JAKMIP1: variants seen among roughly 807,000 people sequenced by gnomAD.
JAKMIP1 encodes janus kinase and microtubule-interacting protein 1.
Under a neutral mutation model 113.0 loss-of-function variants are expected in JAKMIP1, and 33 were observed. The observed-to-expected ratio is 0.29, with a 90% CI of 0.22 to 0.39. JAKMIP1 has a LOEUF of 0.39. JAKMIP1 is among the 10% of genes least tolerant of loss of function. The pLI is 1.00. For missense variants in JAKMIP1, 813 were observed against 1,080.5 expected, an observed-to-expected ratio of 0.75 and a Z score of 3.47; for synonymous variants, 480 against 459.9, an observed-to-expected ratio of 1.04 and a Z score of -0.56.
Position 6,076,394 on chromosome 4 carries a change from T to G in JAKMIP1, c.1302+2545A>C, listed in dbSNP as rs1339920911. ...GTCAATTTAATTTTTCTCTGAGTTTTTCTATATTATATATATATATGTCTT... is the reference window on the plus strand; with the variant it reads ...GTCAATTTAATTTTTCTCTGAGTTTGTCTATATTATATATATATATGTCTT... On this transcript the variant is annotated intron_variant, in intron 8 of 20. Coordinates refer to ENST00000409021, the MANE Select transcript of JAKMIP1 (RefSeq NM_001099433.2). The surrounding 1 kb of genome is among the most constrained non-coding windows in gnomAD (Gnocchi z 4.8). 9.3e-6 allele frequency among the ~76,000 whole-genome samples: 1 copy of G among 107,794 alleles called. No individual in the cohort carries two copies. The highest frequency in any genetic ancestry group is 2.3e-4 in the East Asian group (1 of 4,376). 70.7% of individuals were successfully genotyped at this position (107,794 alleles called of 152,430 possible).
At chr4:6,078,235 A>T (rs1245173156) in intron 8 of JAKMIP1, among the ~76,000 whole-genome samples, 1 of 151,950 alleles carries the variant, frequency 6.6e-6, no homozygotes, top group Non-Finnish European at 1.5e-5. Context: ...GAATCATTTA[A>T]ACCTGGGTGG....
intron 1 of JAKMIP1, among the ~76,000 whole-genome samples, chr4:6,172,556 C>A (rs566358829): frequency 1.3e-5 from 2 of 152,028 alleles, no homozygotes; most frequent in Non-Finnish European, 2.9e-5. Flanking sequence ...AGGTAGCTCA[C>A]GGCCATCTCA....
chr4:6,114,780 C>T (rs1715492207), intron 1 of JAKMIP1, among the ~76,000 whole-genome samples: 1 of 152,250 alleles, frequency 6.6e-6, no homozygotes, highest in Admixed American at 6.5e-5. Flanking sequence ...TCATTCCTCA[C>T]CTCGGCTGAC....
chr4:6,115,439 C>T (rs1268405860), intron 1 of JAKMIP1, among the ~76,000 whole-genome samples: 3 of 152,160 alleles, frequency 2.0e-5, no homozygotes, highest in African/African-American at 4.8e-5. Context: ...AAAACAAATA[C>T]AATTTATAGT....
intron 1 of JAKMIP1, among the ~76,000 whole-genome samples, chr4:6,145,769 C>T (rs1215936105): frequency 6.6e-6 from 1 of 152,138 alleles, no homozygotes; most frequent in African/African-American, 2.4e-5. Flanking sequence ...ATATAAGATC[C>T]TCCTTGGCTT....
At chr4:6,030,573 G>A (rs936571019) in intron 19 of JAKMIP1, among the ~76,000 whole-genome samples, 6 of 152,124 alleles carry the variant, frequency 3.9e-5, no homozygotes, top group Non-Finnish European at 5.9e-5. Context: ...CAGGGCTTCC[G>A]CCCCATCAAG....
intron 1 of JAKMIP1, among the ~76,000 whole-genome samples, chr4:6,146,805 A>G (rs993337582): frequency 1.3e-5 from 2 of 152,164 alleles, no homozygotes; most frequent in African/African-American, 4.8e-5. Flanking sequence ...ACAGGATTTG[A>G]ACTTGGGTCT....
At chr4:6,036,835 T>G (rs1372167537) in intron 18 of JAKMIP1, among the ~76,000 whole-genome samples, 4 of 152,230 alleles carry the variant, frequency 2.6e-5, no homozygotes, top group African/African-American at 9.7e-5. Flanking sequence ...AGCAGCTACT[T>G]CTCTCCCAAA....
rs1389729105 is a variant in JAKMIP1 at position 6,150,513 on chromosome 4, G to C, written c.-147-37516C>G. The C allele has an allele frequency of 6.6e-6, 1 of 152,278 alleles. No homozygotes were observed. Among genetic ancestry groups the C allele is most frequent in the Non-Finnish European group, 1.5e-5 (1 of 68,112 alleles). 9.4% of individuals were successfully genotyped at this position (152,278 alleles called of 1,614,324 possible). On this transcript the variant is annotated intron_variant, in intron 1 of 20. Transcript: ENST00000409021. This position sits in a 1 kb window ranked among gnomAD's most constrained non-coding sequence, Gnocchi z 4.8. ...TACACAGCCCTGTTTGCTGAACTGA[G>C]TGGTTTCCGCATCCAGGAATAGACA...
chr4:6,028,927 G>A (rs1164433837), intron 20 of JAKMIP1, among the ~76,000 whole-genome samples: 1 of 152,202 alleles, frequency 6.6e-6, no homozygotes, highest in Non-Finnish European at 1.5e-5. Context: ...CCTATCCTGT[G>A]GCAAGAACTG....
In JAKMIP1 at chr4:6,040,411, T is replaced by C. The variant is rs577583068; in HGVS notation, c.2175+228A>G. On this transcript the variant is annotated intron_variant, in intron 18 of 20. Transcript: ENST00000409021. This position sits in a 1 kb window ranked among gnomAD's most constrained non-coding sequence, Gnocchi z 5.8. ...AATGATTACTAGAATTTAAGAAGCA[T>C]GTCTAAGAAAACCATTAAAGTAACT... Among the ~76,000 whole-genome samples the C allele has an allele frequency of 6.6e-6, 1 of 152,226 alleles. No individual in the cohort carries two copies. Among genetic ancestry groups the C allele is most frequent in the Admixed American group, 6.5e-5 (1 of 15,282 alleles).
At position 6,135,033 on chromosome 4, in the gene JAKMIP1, G is replaced by A. The variant is rs11947459; in HGVS notation, c.-147-22036C>T. On this transcript the variant is annotated intron_variant, in intron 1 of 20. Transcript: ENST00000409021. The surrounding 1 kb of genome is among the most constrained non-coding windows in gnomAD (Gnocchi z 4.9). Reference sequence around the variant, plus strand: ...TGGACATGTAGAGATGGCAGGTGTAGGGCTCGTGTATCTCTGGTCTGGTAT... The same window carrying A: ...TGGACATGTAGAGATGGCAGGTGTAAGGCTCGTGTATCTCTGGTCTGGTAT... 0.026 allele frequency among the ~76,000 whole-genome samples: 4,016 copies of A among 152,188 alleles called. 190 individuals carry two copies. The highest frequency in any genetic ancestry group is 0.089 in the African/African-American group (3,680 of 41,510).
At chr4:6,109,913 G>A (rs1449824314) in intron 2 of JAKMIP1, among the ~76,000 whole-genome samples, 3 of 152,114 alleles carry the variant, frequency 2.0e-5, no homozygotes, top group Non-Finnish European at 4.4e-5. Flanking sequence ...CAGCCAGATG[G>A]GTAAAGTCAA....
rs1330284777 is a variant in JAKMIP1 at position 6,156,445 on chromosome 4, C to A, written c.-147-43448G>T. Among the ~76,000 whole-genome samples, 1 of 152,214 alleles carries A rather than the reference C, an allele frequency of 6.6e-6. No homozygotes were observed. Among genetic ancestry groups the A allele is most frequent in the African/African-American group, 2.4e-5 (1 of 41,452 alleles). ...ACGGTACCTAACAGAGTCCAGAATT[C>A]TGATTTAAAAGTTTAAATTAGCTGC... On this transcript the variant is annotated intron_variant, in intron 1 of 20. Transcript: ENST00000409021. This position sits in a 1 kb window ranked among gnomAD's most constrained non-coding sequence, Gnocchi z 5.0.
In JAKMIP1 at chr4:6,141,414, C is replaced by T. The variant is rs984903490; in HGVS notation, c.-147-28417G>A. Among the ~76,000 whole-genome samples the T allele has an allele frequency of 4.6e-5, 7 of 151,556 alleles. No homozygotes were observed. Among genetic ancestry groups the T allele is most frequent in the Admixed American group, 1.3e-4 (2 of 15,252 alleles). On this transcript the variant is annotated intron_variant, in intron 1 of 20. Coordinates refer to ENST00000409021, the MANE Select transcript of JAKMIP1 (RefSeq NM_001099433.2). This position sits in a 1 kb window ranked among gnomAD's most constrained non-coding sequence, Gnocchi z 9.4. Reference sequence around the variant, plus strand: ...TCCTGCTACTGCACCCCAGCCTGGGCGACAGAGTGAAACCCTGTCTCAAAA... The same window carrying T: ...TCCTGCTACTGCACCCCAGCCTGGGTGACAGAGTGAAACCCTGTCTCAAAA...
chr4:6,090,016 G>A (rs1721816573), intron 3 of JAKMIP1, among the ~76,000 whole-genome samples: 2 of 152,180 alleles, frequency 1.3e-5, no homozygotes, highest in African/African-American at 4.8e-5. Context: ...GGGGTCAGGA[G>A]TCTGAGACCA....
At chr4:6,120,034 G>A (rs1050019585) in intron 1 of JAKMIP1, among the ~76,000 whole-genome samples, 1 of 152,178 alleles carries the variant, frequency 6.6e-6, no homozygotes. Flanking sequence ...TCACCAAGAA[G>A]TCTTTGTAAC....
rs1717722188 is a variant in JAKMIP1, at chr4:6,064,231, G to A, written c.1431+649C>T. On this transcript the variant is annotated intron_variant, in intron 9 of 20. Coordinates refer to ENST00000409021, the MANE Select transcript of JAKMIP1 (RefSeq NM_001099433.2). The surrounding 1 kb of genome is among the most constrained non-coding windows in gnomAD (Gnocchi z 4.3). ...ACTGGAAGGCATAGAAGCCCACAAG[G>A]TCTGCCTGAGATGTAATCAGCACTC... Among the ~76,000 whole-genome samples the A allele has an allele frequency of 6.6e-6, 1 of 152,224 alleles. No individual in the cohort carries two copies. Among genetic ancestry groups the A allele is most frequent in the South Asian group, 2.1e-4 (1 of 4,830 alleles).
At chr4:6,104,277 T>A (rs917472016) in intron 3 of JAKMIP1, among the ~76,000 whole-genome samples, 1 of 152,264 alleles carries the variant, frequency 6.6e-6, no homozygotes. Flanking sequence ...TTCTACTGTT[T>A]GCTGAGAGAA....
Sources: allele counts gnomAD v4.1 joint callset (sites outside exome capture counted in the v4.1 genomes callset), GRCh38; gene constraint gnomAD v4.1.1; non-coding constraint Gnocchi (gnomAD v3.1); transcripts MANE v1.5; gene names NCBI Gene and HGNC (gene_info 2026-07-23, HGNC 2026-07-21).